The following BLVRA variants were observed in gnomAD, a reference collection of about 807,000 sequenced individuals.
The protein encoded by BLVRA is BVR A.
In BLVRA, 22 loss-of-function variants were observed where a neutral mutation model predicts 32.8. The observed-to-expected ratio is 0.67, with a 90% CI of 0.48 to 0.96. The LOEUF (loss-of-function observed/expected upper bound fraction) is 0.96. Among genes scored for constraint, BLVRA ranks in the 40% least tolerant of loss-of-function variants. The pLI is 0.00. For synonymous variants in BLVRA, 119 were observed against 141.3 expected (o/e 0.84, Z 1.12); for missense variants, 323 against 358.1 (o/e 0.90, Z 0.79).
intron 2 of BLVRA, among the ~76,000 whole-genome samples, chr7:43,778,668 A>G (rs2095764619): frequency 6.6e-6 from 1 of 152,236 alleles, no homozygotes; most frequent in African/African-American, 2.4e-5. Context: ...TGGGAGAACC[A>G]CTACTCTCTT....
In BLVRA at chr7:43,786,441, C is replaced by A. The variant is rs80231391; in HGVS notation, c.13-1463C>A. Among the ~76,000 whole-genome samples the A allele has an allele frequency of 3.9e-4, 60 of 152,262 alleles. 2 individuals carry two copies. The East Asian group carries it at 9.1e-3, about 23-fold the overall frequency. ...ATACACAGTTATATACAATTATATT[C>A]AGAGATTTCTCTACCCTCAATAATT... is the stretch of plus-strand genomic sequence containing the variant. On this transcript the variant is annotated intron_variant, in intron 2 of 7. Coordinates refer to ENST00000265523, the MANE Select transcript of BLVRA (RefSeq NM_000712.4).
intron 7 of BLVRA, among the ~76,000 whole-genome samples, chr7:43,806,174 G>A (rs940681500): frequency 3.3e-5 from 5 of 152,138 alleles, no homozygotes; most frequent in Non-Finnish European, 7.3e-5. Context: ...TTAGCCAGGC[G>A]TGGTGGCAGG....
intron 5 of BLVRA, 103 bp from the exon 6 acceptor site, chr7:43,800,362 G>T: frequency 1.8e-6 from 2 of 1,120,006 alleles, no homozygotes; most frequent in South Asian, 2.6e-5. Context: ...GGGCAGTTAT[G>T]AGTGCTTCAT....
At chr7:43,789,843 T>C (rs2095783278) in intron 3 of BLVRA, among the ~76,000 whole-genome samples, 1 of 151,446 alleles carries the variant, frequency 6.6e-6, no homozygotes, top group Admixed American at 6.6e-5. Context: ...AAGCACCACA[T>C]TTCTCCTGGT....
intron 4 of BLVRA, 38 bp from the exon 5 acceptor site, chr7:43,792,677 G>C: frequency 6.4e-7 from 1 of 1,558,812 alleles, no homozygotes; most frequent in Non-Finnish European, 8.8e-7. Context: ...AAGCTTATTC[G>C]AAGTGTTCTT....
At chr7:43,778,825 C>A (rs2132561153) in intron 2 of BLVRA, among the ~76,000 whole-genome samples, 1 of 152,386 alleles carries the variant, frequency 6.6e-6, no homozygotes, top group Non-Finnish European at 1.5e-5. Flanking sequence ...AGCTTCCCGG[C>A]TGCTTTGTTT....
intron 1 of BLVRA, chr7:43,764,328 G>T (rs767934246): frequency 2.6e-5 from 4 of 152,198 alleles, no homozygotes; most frequent in Non-Finnish European, 5.9e-5. Flanking sequence ...AGAAAGTTCT[G>T]CTCTCAACCC....
intron 5 of BLVRA, among the ~76,000 whole-genome samples, chr7:43,796,133 A>AAAAAAAAAG (rs1554584739): frequency 6.6e-6 from 1 of 151,272 alleles, no homozygotes; most frequent in African/African-American, 2.4e-5. Context: ...AAAAAAAAAA[A>AAAAAAAAAG]AAAAGAAAAG....
At chr7:43,798,736 T>C (rs957190005) in intron 5 of BLVRA, among the ~76,000 whole-genome samples, 5 of 152,228 alleles carry the variant, frequency 3.3e-5, no homozygotes, top group Admixed American at 2.0e-4. Flanking sequence ...CTTGTGCTTA[T>C]GGCTTTGGGC....
chr7:43,780,016 G>A (rs2095766962), intron 2 of BLVRA, among the ~76,000 whole-genome samples: 1 of 151,990 alleles, frequency 6.6e-6, no homozygotes, highest in Admixed American at 6.6e-5. Flanking sequence ...TGGGATTACA[G>A]GAGCACCACC....
Position 43,803,170 on chromosome 7 carries a change from C to T in BLVRA, c.461-506C>T, listed in dbSNP as rs148843538. On this transcript the variant is annotated intron_variant, in intron 6 of 7. Transcript: ENST00000265523. Reference sequence around the variant, plus strand: ...TTCTCCATAGCTATTATAATACCTTCATACCTTATTGCCACTTACACATCA... The same window carrying T: ...TTCTCCATAGCTATTATAATACCTTTATACCTTATTGCCACTTACACATCA... 4.6e-3 allele frequency among the ~76,000 whole-genome samples: 706 copies of T among 152,336 alleles called. 4 individuals carry two copies. Among genetic ancestry groups the T allele is most frequent in the Middle Eastern group, 0.02 (6 of 294 alleles).
intron 6 of BLVRA, 39 bp from the exon 7 acceptor site, chr7:43,803,637 C>A: frequency 6.2e-7 from 1 of 1,603,864 alleles, no homozygotes; most frequent in South Asian, 1.1e-5. Context: ...CTTGGCATTC[C>A]TGCTTCCCAG....
At chr7:43,798,589 T>G (rs2132590271) in intron 5 of BLVRA, among the ~76,000 whole-genome samples, 1 of 152,350 alleles carries the variant, frequency 6.6e-6, no homozygotes, top group South Asian at 2.1e-4. Flanking sequence ...CATTTTGTTA[T>G]GTTTCCATTA....
intron 4 of BLVRA, among the ~76,000 whole-genome samples, chr7:43,792,500 T>C (rs1336242041): frequency 6.6e-6 from 1 of 152,246 alleles, no homozygotes; most frequent in Admixed American, 6.5e-5. Context: ...AATTAACACA[T>C]AACCAGAAAG....
In BLVRA at chr7:43,768,790, C is replaced by CCA. The variant is rs1199789635; in HGVS notation, c.-21-2347_-21-2346dup. ...GCATCTCTGTGGGGCCTCCAGGTAG[C>CCA]CAGGGGAGGGCGAGCAGAGTGTGCT... On this transcript the variant is annotated intron_variant, in intron 1 of 7. Transcript: ENST00000265523. 4.6e-5 allele frequency among the ~76,000 whole-genome samples: 7 copies of CCA among 152,176 alleles called. No individual in the cohort carries two copies. The East Asian group carries it at 7.7e-4, about 17-fold the overall frequency.
At chr7:43,781,353 CT>C (rs138737365) in intron 2 of BLVRA, among the ~76,000 whole-genome samples, 23,044 of 151,608 alleles carry the variant, frequency 0.15, 2,199 homozygotes, top group Non-Finnish European at 0.21. Context: ...GTGTGATATA[CT>C]TTTTTTTTCC....
chr7:43,806,589 T>A (rs2095804255), intron 7 of BLVRA, among the ~76,000 whole-genome samples: 1 of 150,702 alleles, frequency 6.6e-6, no homozygotes, highest in Non-Finnish European at 1.5e-5. Flanking sequence ...TAAAAATATT[T>A]TTTTAAAAAG....
intron 6 of BLVRA, among the ~76,000 whole-genome samples, 172 bp from the exon 7 acceptor site, chr7:43,803,504 G>T (rs1470809495): frequency 1.3e-5 from 2 of 152,206 alleles, no homozygotes; most frequent in African/African-American, 4.8e-5. Flanking sequence ...AGCCACCTGA[G>T]TTTTCATCAG....
intron 5 of BLVRA, among the ~76,000 whole-genome samples, chr7:43,794,558 A>C (rs1432881838): frequency 1.3e-5 from 2 of 152,088 alleles, no homozygotes; most frequent in Non-Finnish European, 1.5e-5. Context: ...AACATGGTGA[A>C]ACCCCATCTC....
Sources: allele counts gnomAD v4.1 joint callset (sites outside exome capture counted in the v4.1 genomes callset), GRCh38; gene constraint gnomAD v4.1.1; transcripts MANE v1.5; gene names NCBI Gene and HGNC (gene_info 2026-07-23, HGNC 2026-07-21).